Variants in SORL1 observed in about 807,000 individuals in gnomAD.
SORL1 encodes sortilin-related receptor.
Under a neutral mutation model 273.7 loss-of-function variants are expected in SORL1, and 127 were observed. That is an observed-to-expected ratio of 0.46 (90% CI 0.40 to 0.54). The LOEUF (loss-of-function observed/expected upper bound fraction) is 0.54, where lower values mean the gene tolerates loss of function less well. SORL1 is among the 20% of genes least tolerant of loss of function. SORL1 has a pLI of 0.00. For missense variants in SORL1, 2,494 were observed against 2,846.1 expected (o/e 0.88, Z 2.81); for synonymous variants, 1,031 against 1,067.4 (o/e 0.97, Z 0.66).
chr11:121,467,581 T>C (rs1408195610), intron 1 of SORL1, among the ~76,000 whole-genome samples: 1 of 152,126 alleles, frequency 6.6e-6, no homozygotes, highest in Non-Finnish European at 1.5e-5. Context: ...GTATTGACAT[T>C]TGCATAGTTT....
At chr11:121,515,737 C>T (rs746914222) in intron 8 of SORL1, among the ~76,000 whole-genome samples, 8 of 152,114 alleles carry the variant, frequency 5.3e-5, no homozygotes, top group South Asian at 2.1e-4. Flanking sequence ...CTGCAACCGC[C>T]GCTTCCTGGG....
At chr11:121,598,091 G>A (rs1863327157) in intron 32 of SORL1, among the ~76,000 whole-genome samples, 1 of 152,178 alleles carries the variant, frequency 6.6e-6, no homozygotes, top group Non-Finnish European at 1.5e-5. Flanking sequence ...GGCGACCCCT[G>A]TGCTTGGAGT....
In SORL1 at chr11:121,595,080, A is replaced by G. The variant is rs1863273023; in HGVS notation, c.4370-543A>G. Among the ~76,000 whole-genome samples the G allele has an allele frequency of 6.6e-6, 1 of 152,186 alleles. No homozygotes were observed. The highest frequency in any genetic ancestry group is 1.5e-5 in the Non-Finnish European group (1 of 68,028). On this transcript the variant is annotated intron_variant, in intron 31 of 47. Coordinates refer to ENST00000260197, the MANE Select transcript of SORL1 (RefSeq NM_003105.6). This position sits in a 1 kb window ranked among gnomAD's most constrained non-coding sequence, Gnocchi z 5.1. Reference sequence around the variant, plus strand: ...CAACTCTCTGTTTTTACTTTCTCCAAATAACAACCCTCCATTCTTCTATTG... The same window carrying G: ...CAACTCTCTGTTTTTACTTTCTCCAGATAACAACCCTCCATTCTTCTATTG...
At chr11:121,574,194 A>C (rs548734278) in intron 23 of SORL1, 47 bp from the exon 24 acceptor site, 22 of 1,593,090 alleles carry the variant, frequency 1.4e-5, no homozygotes, top group Middle Eastern at 1.7e-4. Flanking sequence ...CATTTGTGGG[A>C]AATCAATTGT....
chr11:121,505,151 T>A (rs1331059003), intron 6 of SORL1, among the ~76,000 whole-genome samples: 2 of 152,148 alleles, frequency 1.3e-5, no homozygotes, highest in African/African-American at 4.8e-5. Context: ...TCTTTTCAGT[T>A]TTTAAAATTT....
chr11:121,625,310 A>C (rs1215547227), intron 46 of SORL1, 33 bp downstream of exon 46: 1 of 1,540,772 alleles, frequency 6.5e-7, no homozygotes, highest in South Asian at 1.2e-5. Flanking sequence ...TTCTGTCTTC[A>C]GTTCTAGGGA....
intron 4 of SORL1, among the ~76,000 whole-genome samples, chr11:121,489,156 G>A (rs1382698603): frequency 6.6e-6 from 1 of 152,022 alleles, no homozygotes; most frequent in Non-Finnish European, 1.5e-5. Context: ...TACTTAGCTG[G>A]TGTCCTCTGC....
intron 5 of SORL1, among the ~76,000 whole-genome samples, chr11:121,491,232 T>C (rs575421120): frequency 1.3e-5 from 2 of 152,298 alleles, no homozygotes; most frequent in South Asian, 4.1e-4. Flanking sequence ...GAATTTGGGC[T>C]ACATTCTGAA....
chr11:121,627,442 T>G lies in SORL1; in HGVS notation c.6365-113T>G, dbSNP rs956536231. The G allele has an allele frequency of 1.6e-5, 13 of 789,888 alleles. No individual in the cohort carries two copies. In the African/African-American group the frequency reaches 2.2e-4, roughly 14 times the overall value. The allele number at this position is 789,888 out of a possible 1,614,324, so 48.9% of individuals were successfully genotyped here. On this transcript the variant is annotated intron_variant, in intron 46 of 47. Transcript: ENST00000260197. The surrounding 1 kb of genome is among the most constrained non-coding windows in gnomAD (Gnocchi z 4.9). Reference sequence around the variant, plus strand: ...AACGTCTCACACCAGACAGGCAGTTTGTGTAGCTGTGGCTATCGCCCAGCT... The same window carrying G: ...AACGTCTCACACCAGACAGGCAGTTGGTGTAGCTGTGGCTATCGCCCAGCT...
At chr11:121,535,865 T>G (rs1454347850) in intron 12 of SORL1, among the ~76,000 whole-genome samples, 1 of 152,214 alleles carries the variant, frequency 6.6e-6, no homozygotes, top group African/African-American at 2.4e-5. Flanking sequence ...TGTGTCTACA[T>G]GTCTGAAATG....
chr11:121,456,446 T>C (rs1001739248), intron 1 of SORL1, among the ~76,000 whole-genome samples: 2 of 152,182 alleles, frequency 1.3e-5, no homozygotes, highest in Non-Finnish European at 2.9e-5. Context: ...AGGAAGCACA[T>C]TCACATTATA....
chr11:121,469,099 T>C (rs1020969745), intron 1 of SORL1, among the ~76,000 whole-genome samples: 2 of 152,238 alleles, frequency 1.3e-5, no homozygotes, highest in Non-Finnish European at 2.9e-5. Context: ...TCCATGGGGA[T>C]GCAGCCTCCT....
At chr11:121,478,592 T>G (rs1861318601) in intron 3 of SORL1, among the ~76,000 whole-genome samples, 1 of 152,224 alleles carries the variant, frequency 6.6e-6, no homozygotes, top group African/African-American at 2.4e-5. Context: ...AATTCATGTT[T>G]TCTAGGATAC....
rs772855785 is a variant in SORL1 at position 121,514,336 on chromosome 11, A to T, written c.1211+15A>T. The T allele has an allele frequency of 2.5e-6, 4 of 1,605,448 alleles. No homozygotes were observed. In the East Asian group the frequency reaches 8.9e-5, roughly 36 times the overall value. On this transcript the variant is annotated intron_variant, in intron 8 of 47. Coordinates refer to ENST00000260197, the MANE Select transcript of SORL1 (RefSeq NM_003105.6). The stretch of plus-strand genomic sequence containing the variant: ...ACCTTGGTGAGGTAAGGAGACTGTG[A>T]GTCCTTCTCCTGCCTTCTTAGGCCA...
intron 3 of SORL1, among the ~76,000 whole-genome samples, chr11:121,483,332 T>C (rs1366573207): frequency 1.3e-5 from 2 of 152,198 alleles, no homozygotes; most frequent in African/African-American, 2.4e-5. Context: ...GTCCTGCCTT[T>C]TTCCAGGCAG....
At chr11:121,541,234 C>T (rs1862344103) in intron 12 of SORL1, among the ~76,000 whole-genome samples, 2 of 150,828 alleles carry the variant, frequency 1.3e-5, no homozygotes, top group Admixed American at 6.6e-5. Context: ...CAGGGTCTCG[C>T]TCTGTCATCC....
At chr11:121,486,468 GTTTC>G (rs1861473191) in intron 3 of SORL1, among the ~76,000 whole-genome samples, 2 of 150,532 alleles carry the variant, frequency 1.3e-5, no homozygotes, top group South Asian at 2.1e-4. Flanking sequence ...GTGAGACTCT[GTTTC>G]TTTCTTTCTT....
At chr11:121,480,788 C>T (rs1861364245) in intron 3 of SORL1, among the ~76,000 whole-genome samples, 5 of 145,572 alleles carry the variant, frequency 3.4e-5, no homozygotes, top group African/African-American at 7.8e-5. Context: ...CCCTAGTGCA[C>T]AGATACCTAT....
chr11:121,478,703 T>C (rs1427557843), intron 3 of SORL1, among the ~76,000 whole-genome samples: 1 of 149,476 alleles, frequency 6.7e-6, no homozygotes, highest in East Asian at 2.0e-4. Context: ...TGGGTACCTG[T>C]GTGTGTGTGC....
Sources: gnomAD v4.1 joint callset for allele counts (sites outside exome capture counted in the v4.1 genomes callset) on GRCh38, gnomAD v4.1.1 for gene constraint, Gnocchi (gnomAD v3.1) non-coding constraint, MANE v1.5 for transcripts, NCBI Gene and HGNC (gene_info 2026-07-23, HGNC 2026-07-21) for gene names.